Variants in SH3KBP1 observed in about 807,000 individuals in gnomAD.
The protein encoded by SH3KBP1 is SH3 domain-containing kinase-binding protein 1.
SH3KBP1 carries 8 observed loss-of-function variants against 50.1 expected under a neutral mutation model. The observed-to-expected ratio is 0.16, with a 90% confidence interval of 0.09 to 0.29. The LOEUF (loss-of-function observed/expected upper bound fraction) is 0.29. SH3KBP1 is among the 10% of genes least tolerant of loss of function. SH3KBP1 has a pLI of 1.00. For missense variants in SH3KBP1, 377 were observed against 535.2 expected, an observed-to-expected ratio of 0.70 and a Z score of 2.92; for synonymous variants, 227 against 218.6, an observed-to-expected ratio of 1.04 and a Z score of -0.34.
intron 3 of SH3KBP1, among the ~76,000 whole-genome samples, chrX:19,745,850 T>C (rs1269404299): frequency 1.8e-5 from 2 of 112,751 alleles, no homozygotes; most frequent in African/African-American, 3.2e-5. Flanking sequence ...CAGACAGATG[T>C]GTTAGCTATA....
intron 7 of SH3KBP1, among the ~76,000 whole-genome samples, chrX:19,637,901 AC>A (rs1366791532): frequency 9.4e-6 from 1 of 106,752 alleles, no homozygotes; most frequent in Non-Finnish European, 1.9e-5. Flanking sequence ...ACATAGTGAA[AC>A]CCCATCTCTA....
chrX:19,830,342 C>CA (rs369662489), intron 2 of SH3KBP1, among the ~76,000 whole-genome samples: 532 of 90,455 alleles, frequency 5.9e-3, no homozygotes, highest in African/African-American at 0.013. Context: ...TACGTAGAAA[C>CA]AAAAAAAAAA....
intron 2 of SH3KBP1, among the ~76,000 whole-genome samples, chrX:19,777,681 G>A (rs755933819): frequency 5.2e-4 from 58 of 111,541 alleles, no homozygotes; most frequent in Non-Finnish European, 9.2e-4. Flanking sequence ...AAACACACCA[G>A]TCCTCCAGCG....
At chrX:19,760,419 T>C (rs2065384076) in intron 2 of SH3KBP1, among the ~76,000 whole-genome samples, 1 of 107,678 alleles carries the variant, frequency 9.3e-6, no homozygotes, top group Admixed American at 1.0e-4. Context: ...CATACATACA[T>C]ACATACATAC....
chrX:19,692,624 C>CGTGT (rs534431997), intron 5 of SH3KBP1, among the ~76,000 whole-genome samples: 2,336 of 68,642 alleles, frequency 0.034, 40 homozygotes, highest in South Asian at 0.062. Flanking sequence ...TATATACATA[C>CGTGT]GTGTGTGTGT....
intron 8 of SH3KBP1, 37 bp from the exon 9 acceptor site, chrX:19,608,082 C>T (rs765497117): frequency 8.9e-7 from 1 of 1,123,220 alleles, no homozygotes. Flanking sequence ...GAGATGGGGG[C>T]AAGCAGCCTC....
In SH3KBP1 at chrX:19,740,930, C is replaced by T. The variant is rs762729465; in HGVS notation, c.286+5388G>A. On this transcript the variant is annotated intron_variant, in intron 3 of 17. Coordinates refer to ENST00000397821, the MANE Select transcript of SH3KBP1 (RefSeq NM_031892.3). The stretch of plus-strand genomic sequence containing the variant: ...GGAAAGGACGGGCAGTCACTTAGAT[C>T]TGTTTAGGGCTTGGAATGACCAGTG... The T allele has an allele frequency of 3.6e-3, 627 of 172,450 alleles. 3 individuals carry two copies. The highest frequency in any genetic ancestry group is 6.2e-3 in the Non-Finnish European group (502 of 80,768). 14.2% of individuals were successfully genotyped at this position (172,450 alleles called of 1,213,427 possible).
At chrX:19,851,886 G>C in intron 1 of SH3KBP1, among the ~76,000 whole-genome samples, 1 of 111,410 alleles carries the variant, frequency 9.0e-6, no homozygotes. Context: ...CCTCCTCACT[G>C]TATCATTTAA....
chrX:19,656,441 A>C (rs1308681072), intron 6 of SH3KBP1, among the ~76,000 whole-genome samples: 1 of 112,164 alleles, frequency 8.9e-6, no homozygotes, highest in African/African-American at 3.2e-5. Context: ...GCCTATCTAA[A>C]GGCAGTTCAT....
Position 19,711,118 on chromosome X carries a change from A to G in SH3KBP1, c.287-4134T>C, listed in dbSNP as rs764243509. Among the ~76,000 whole-genome samples, 157 of 111,353 alleles carry G rather than the reference A, an allele frequency of 1.4e-3. 1 individual carries two copies. The highest frequency in any genetic ancestry group is 5.0e-3 in the African/African-American group (154 of 30,623). ...ATTTCAAACCAGGCAACGCAACTCC[A>G]GAAGCACTATCTCCCTCCCACATCT... On this transcript the variant is annotated intron_variant, in intron 3 of 17. Coordinates refer to ENST00000397821, the MANE Select transcript of SH3KBP1 (RefSeq NM_031892.3).
chrX:19,831,740 G>A (rs771160843), intron 2 of SH3KBP1, among the ~76,000 whole-genome samples: 2 of 79,768 alleles, frequency 2.5e-5, no homozygotes, highest in East Asian at 9.4e-4. Flanking sequence ...GCGGTGAGCC[G>A]AGATCACACC....
At chrX:19,736,970 G>A (rs748938273) in intron 3 of SH3KBP1, among the ~76,000 whole-genome samples, 1 of 104,683 alleles carries the variant, frequency 9.6e-6, no homozygotes, top group South Asian at 4.5e-4. Flanking sequence ...GCAGTGGTGC[G>A]ATTTCAGCTC....
intron 8 of SH3KBP1, among the ~76,000 whole-genome samples, chrX:19,626,679 C>T (rs1385856029): frequency 2.7e-5 from 3 of 110,873 alleles, no homozygotes; most frequent in East Asian, 5.7e-4. Flanking sequence ...GCAACCCTCC[C>T]GCCTCAGCCT....
chrX:19,631,502 T>TAA (rs113433718), intron 8 of SH3KBP1, among the ~76,000 whole-genome samples: 1 of 111,075 alleles, frequency 9.0e-6, no homozygotes, highest in African/African-American at 3.3e-5. Flanking sequence ...ACCAGCGTTT[T>TAA]AAAAAAAAAC....
At chrX:19,541,410 C>T (rs761991754) in intron 16 of SH3KBP1, among the ~76,000 whole-genome samples, 1 of 111,924 alleles carries the variant, frequency 8.9e-6, no homozygotes, top group East Asian at 2.8e-4. Flanking sequence ...CCACTGCAGT[C>T]TCATGGTGAG....
chrX:19,773,796 C>A (rs1297831507), intron 2 of SH3KBP1, among the ~76,000 whole-genome samples: 2 of 92,184 alleles, frequency 2.2e-5, no homozygotes, highest in Admixed American at 1.4e-4. Flanking sequence ...GCGGAGCTTG[C>A]AGTGAGCCAA....
At chrX:19,647,348 T>G (rs1037359580) in intron 6 of SH3KBP1, among the ~76,000 whole-genome samples, 1 of 110,613 alleles carries the variant, frequency 9.0e-6, no homozygotes, top group Admixed American at 9.6e-5. Context: ...CTTCAACAGG[T>G]TGCACATTTT....
At chrX:19,710,603 G>A (rs2063754479) in intron 3 of SH3KBP1, among the ~76,000 whole-genome samples, 1 of 111,458 alleles carries the variant, frequency 9.0e-6, no homozygotes, top group South Asian at 3.7e-4. Flanking sequence ...TATTATTAGT[G>A]TTTTATTATT....
intron 3 of SH3KBP1, among the ~76,000 whole-genome samples, chrX:19,730,773 C>T (rs1273010303): frequency 9.0e-6 from 1 of 111,389 alleles, no homozygotes; most frequent in Non-Finnish European, 1.9e-5. Context: ...CCTCCCTGGT[C>T]CTGATGAAAG....
Sources: allele counts gnomAD v4.1 joint callset (sites outside exome capture counted in the v4.1 genomes callset), GRCh38; gene constraint gnomAD v4.1.1; transcripts MANE v1.5; gene names NCBI Gene and HGNC (gene_info 2026-07-23, HGNC 2026-07-21).